The following PCDHA12 variants were observed in gnomAD, a reference collection of about 807,000 sequenced individuals.
PCDHA12 encodes protocadherin alpha 12.
PCDHA12 carries 44 observed loss-of-function variants against 60.0 expected under a neutral mutation model. That is an observed-to-expected ratio of 0.73 (90% CI 0.58 to 0.94). The LOEUF (loss-of-function observed/expected upper bound fraction) is 0.94. Ranked by LOEUF, PCDHA12 falls within the 40% of genes least tolerant of loss-of-function variation. The probability of loss-of-function intolerance (pLI) is 0.00; values close to 1 mark genes in which losing one functional copy is unlikely to be tolerated. For synonymous variants in PCDHA12, 569 were observed against 553.0 expected (o/e 1.03, Z -0.40); for missense variants, 1,276 against 1,239.7 (o/e 1.03, Z -0.44).
intron 3 of PCDHA12, among the ~76,000 whole-genome samples, chr5:140,988,180 G>C (rs2097285964): frequency 1.3e-5 from 2 of 152,134 alleles, no homozygotes; most frequent in Admixed American, 1.3e-4. Context: ...TGACAGTCCT[G>C]GGAGGTGTGT....
At chr5:140,966,882 C>A (rs782464160) in intron 1 of PCDHA12, 1 of 1,589,690 alleles carries the variant, frequency 6.3e-7, no homozygotes, top group Non-Finnish European at 8.5e-7. Context: ...CTACCTGGCC[C>A]TGCGGCCTCC....
chr5:140,917,030 G>A (rs1220107705), intron 1 of PCDHA12, among the ~76,000 whole-genome samples: 3 of 152,164 alleles, frequency 2.0e-5, no homozygotes, highest in Non-Finnish European at 4.4e-5. Context: ...GCTGCTGGCT[G>A]AGTCCAGCAC....
intron 1 of PCDHA12, chr5:140,928,748 G>T (rs191251073): frequency 6.2e-7 from 1 of 1,614,114 alleles, no homozygotes; most frequent in Admixed American, 1.7e-5. Flanking sequence ...GGTGAGCTCC[G>T]TACTGCTCGC....
At chr5:140,969,410 T>C (rs528910445) in intron 1 of PCDHA12, 12 of 1,572,752 alleles carry the variant, frequency 7.6e-6, no homozygotes, top group South Asian at 1.2e-5. Flanking sequence ...TTTGGCTTTA[T>C]TGAGTCATTA....
At chr5:140,889,121 G>A (rs2062113098) in intron 1 of PCDHA12, among the ~76,000 whole-genome samples, 1 of 151,724 alleles carries the variant, frequency 6.6e-6, no homozygotes, top group East Asian at 1.9e-4. Flanking sequence ...AGGTGATACT[G>A]ATATGTCCTA....
chr5:140,981,673 C>T (rs1184909774), intron 2 of PCDHA12, among the ~76,000 whole-genome samples: 1 of 152,108 alleles, frequency 6.6e-6, no homozygotes, highest in African/African-American at 2.4e-5. Flanking sequence ...TTCCTTTCTT[C>T]CTTCCTCCCT....
chr5:140,884,285 G>A, intron 1 of PCDHA12: 1 of 1,613,598 alleles, frequency 6.2e-7, no homozygotes. Flanking sequence ...GGTGGAGAGC[G>A]GCCAAGCGCC....
chr5:140,993,281 C>T (rs2097548459), intron 3 of PCDHA12, among the ~76,000 whole-genome samples: 1 of 152,102 alleles, frequency 6.6e-6, no homozygotes. Flanking sequence ...TCTTTTCTTG[C>T]CCAGGGTCAC....
rs2098331172 is a variant in PCDHA12, at chr5:141,007,465, G to A, written c.2516-2162G>A. Among the ~76,000 whole-genome samples, 5 of 151,906 alleles carry A rather than the reference G, an allele frequency of 3.3e-5. No individual in the cohort carries two copies. The South Asian group carries it at 1.0e-3, about 32-fold the overall frequency. ...TGCCTGTAGTCCCAGCTACTCAGGA[G>A]GCTGAGGCACGAGAATTACTTGGAC... On this transcript the variant is annotated intron_variant, in intron 3 of 3. Transcript: ENST00000398631.
At chr5:140,897,419 A>G (rs1329501260) in intron 1 of PCDHA12, among the ~76,000 whole-genome samples, 2 of 141,212 alleles carry the variant, frequency 1.4e-5, no homozygotes, top group East Asian at 4.3e-4. Flanking sequence ...ATTCCCATCT[A>G]TGAGTGAGAA....
At chr5:141,003,962 C>G (rs2098144287) in intron 3 of PCDHA12, among the ~76,000 whole-genome samples, 1 of 152,098 alleles carries the variant, frequency 6.6e-6, no homozygotes, top group Non-Finnish European at 1.5e-5. Context: ...ACCCTGGGAG[C>G]ATAAGGGAGG....
At chr5:140,936,571 C>G (rs2153629502) in intron 1 of PCDHA12, among the ~76,000 whole-genome samples, 1 of 152,342 alleles carries the variant, frequency 6.6e-6, no homozygotes, top group African/African-American at 2.4e-5. Flanking sequence ...ATATTTTCCA[C>G]TTGTAAATCC....
intron 1 of PCDHA12, among the ~76,000 whole-genome samples, chr5:140,932,345 C>G (rs1332373274): frequency 6.6e-6 from 1 of 151,820 alleles, no homozygotes; most frequent in African/African-American, 2.4e-5. Context: ...AAACACTTAC[C>G]ATACAACTGG....
chr5:140,987,228 TAATA>T (rs1459014222), intron 3 of PCDHA12, among the ~76,000 whole-genome samples: 2 of 149,038 alleles, frequency 1.3e-5, no homozygotes, highest in Non-Finnish European at 3.0e-5. Flanking sequence ...AAAAAAAAAA[TAATA>T]AATAAAGAAA....
chr5:141,008,437 C>T (rs1261106138), intron 3 of PCDHA12, among the ~76,000 whole-genome samples: 1 of 152,182 alleles, frequency 6.6e-6, no homozygotes. Context: ...TTTGCCCAGA[C>T]AGACCATTAC....
At chr5:140,935,127 T>C (rs1223390448) in intron 1 of PCDHA12, among the ~76,000 whole-genome samples, 1 of 152,170 alleles carries the variant, frequency 6.6e-6, no homozygotes, top group Non-Finnish European at 1.5e-5. Flanking sequence ...TTATTTTTAG[T>C]GAAAGATGAT....
intron 1 of PCDHA12, chr5:140,966,561 G>T: frequency 2.0e-6 from 1 of 488,962 alleles, no homozygotes; most frequent in African/African-American, 2.0e-5. Flanking sequence ...GGAGGAGCTG[G>T]AATATGGGGA....
At chr5:140,940,593 A>G (rs2092648765) in intron 1 of PCDHA12, among the ~76,000 whole-genome samples, 1 of 152,170 alleles carries the variant, frequency 6.6e-6, no homozygotes, top group Non-Finnish European at 1.5e-5. Flanking sequence ...GATTTCAGGC[A>G]TGAGCCGCTG....
In PCDHA12 at chr5:140,876,991, T is replaced by C; in HGVS notation, c.1519T>C (p.Tyr507His). The C allele has an allele frequency of 6.2e-7, 1 of 1,612,564 alleles. No homozygotes were observed. Among genetic ancestry groups the C allele is most frequent in the Non-Finnish European group, 8.5e-7 (1 of 1,179,786 alleles). Residue 507 changes from tyrosine to histidine, a missense_variant, in exon 1 of 4, where the codon TAC becomes CAC. By Grantham distance (83) the Tyr-to-His change is moderately conservative. Transcript: ENST00000398631. ...GGTGGGCGAGCACGCACTGTCGAGC[T>C]ACGTGTCGGTGCACGCGGAGAGCGG... ...RRVGEHALSS[Y>H]VSVHAESGKV...
Sources: allele counts gnomAD v4.1 joint callset (sites outside exome capture counted in the v4.1 genomes callset), GRCh38; gene constraint gnomAD v4.1.1; transcripts MANE v1.5; gene names NCBI Gene and HGNC (gene_info 2026-07-23, HGNC 2026-07-21).